FRMD4A: variants seen among roughly 807,000 people sequenced by gnomAD.
FRMD4A encodes FERM domain containing 4A, also known as FERM domain-containing protein 4A.
Under a neutral mutation model 129.1 loss-of-function variants are expected in FRMD4A, and 29 were observed. The ratio of observed to expected loss-of-function variants is 0.22; its 90% CI spans 0.17 to 0.31. The LOEUF is 0.31. Ranked by LOEUF, FRMD4A falls within the 10% of genes least tolerant of loss-of-function variation. FRMD4A has a pLI of 1.00. For missense variants in FRMD4A, 1,272 were observed against 1,375.8 expected, an observed-to-expected ratio of 0.92 and a Z score of 1.19; for synonymous variants, 634 against 571.6, an observed-to-expected ratio of 1.11 and a Z score of -1.56.
At chr10:14,065,111 C>T (rs554783317) in intron 2 of FRMD4A, among the ~76,000 whole-genome samples, 11 of 152,230 alleles carry the variant, frequency 7.2e-5, no homozygotes, top group South Asian at 4.1e-4. Flanking sequence ...CCACTATTGA[C>T]GACCATTATA....
intron 3 of FRMD4A, among the ~76,000 whole-genome samples, chr10:13,842,935 ATT>A (rs1469562584): frequency 1.3e-5 from 2 of 152,122 alleles, no homozygotes; most frequent in African/African-American, 4.8e-5. Flanking sequence ...AGATGATAAT[ATT>A]TTTCATATAC....
intron 3 of FRMD4A, among the ~76,000 whole-genome samples, chr10:13,836,918 C>T (rs970627061): frequency 3.2e-4 from 48 of 152,162 alleles, no homozygotes; most frequent in African/African-American, 1.0e-3. Flanking sequence ...CCACCACGCC[C>T]GGCTAATTTT....
intron 3 of FRMD4A, among the ~76,000 whole-genome samples, chr10:13,851,283 T>C (rs2094136984): frequency 6.6e-6 from 1 of 152,222 alleles, no homozygotes; most frequent in Admixed American, 6.5e-5. Flanking sequence ...GTGCCAAACA[T>C]CCAGTATTAT....
intron 4 of FRMD4A, among the ~76,000 whole-genome samples, chr10:13,805,835 T>A (rs2178288): frequency 6.6e-6 from 1 of 151,432 alleles, no homozygotes; most frequent in Non-Finnish European, 1.5e-5. Flanking sequence ...ACTACAACTG[T>A]GCACCACCAT....
intron 2 of FRMD4A, among the ~76,000 whole-genome samples, chr10:13,899,192 C>A (rs984108051): frequency 2.0e-5 from 3 of 151,926 alleles, no homozygotes; most frequent in African/African-American, 7.3e-5. Context: ...CTGATAATAT[C>A]TATTGCCAGC....
chr10:13,851,264 G>C (rs1171778730), intron 3 of FRMD4A, among the ~76,000 whole-genome samples: 1 of 152,198 alleles, frequency 6.6e-6, no homozygotes, highest in East Asian at 1.9e-4. Context: ...GTAAAATGTA[G>C]TCATTATTGT....
intron 2 of FRMD4A, among the ~76,000 whole-genome samples, chr10:14,328,693 C>G (rs917807606): frequency 3.3e-5 from 5 of 149,258 alleles, no homozygotes; most frequent in African/African-American, 1.2e-4. Flanking sequence ...AGCATATAAC[C>G]CAGGCTCCCA....
intron 2 of FRMD4A, among the ~76,000 whole-genome samples, chr10:13,906,123 T>C (rs2094879913): frequency 6.6e-6 from 1 of 152,226 alleles, no homozygotes; most frequent in Non-Finnish European, 1.5e-5. Context: ...TGTATTAGAA[T>C]GCAGCTACTT....
Position 13,660,327 on chromosome 10 carries a change from G to A in FRMD4A, c.1887C>T (p.His629=). The A allele has an allele frequency of 1.2e-6, 2 of 1,609,768 alleles. No individual in the cohort carries two copies. Among genetic ancestry groups the A allele is most frequent in the Non-Finnish European group, 1.7e-6 (2 of 1,176,050 alleles). Residue 629 remains histidine (H), a synonymous_variant, in exon 20 of 25, where the codon CAC becomes CAT. Coordinates refer to ENST00000357447, the MANE Select transcript of FRMD4A (RefSeq NM_018027.5). ...PYEKVKKRSS[H]SHSSSHKRFP... ...ACGATGCAGCTCACCTGGAATGGCT[G>A]TGAGAGGAGCGCTTCTTGACCTTCT... is the stretch of plus-strand genomic sequence containing the variant.
intron 2 of FRMD4A, among the ~76,000 whole-genome samples, chr10:13,883,599 TCTCTGCATGG>T (rs1432681199): frequency 2.0e-5 from 3 of 152,228 alleles, no homozygotes; most frequent in Non-Finnish European, 4.4e-5. Context: ...AAGTTGCAGA[TCTCTGCATGG>T]CACAAAATCT....
chr10:14,055,286 C>A (rs1042886266), intron 2 of FRMD4A, among the ~76,000 whole-genome samples: 7 of 152,190 alleles, frequency 4.6e-5, no homozygotes, highest in Non-Finnish European at 4.4e-5. Context: ...TATGGATATG[C>A]TTTGGTGGAT....
chr10:14,152,898 C>A (rs1190124583), intron 2 of FRMD4A, among the ~76,000 whole-genome samples: 1 of 152,056 alleles, frequency 6.6e-6, no homozygotes, highest in African/African-American at 2.4e-5. Context: ...GAGGGGGAAC[C>A]CAGGCATCCT....
rs71388139 is a variant in FRMD4A, at chr10:13,955,112, C to CTTTTTTTTTTTTTTTTTTTTT, written c.46-96201_46-96200insAAAAAAAAAAAAAAAAAAAAA. Among the ~76,000 whole-genome samples, 38 of 102,944 alleles carry CTTTTTTTTTTTTTTTTTTTTT rather than the reference C, an allele frequency of 3.7e-4. 3 individuals are homozygous for CTTTTTTTTTTTTTTTTTTTTT. Among genetic ancestry groups the CTTTTTTTTTTTTTTTTTTTTT allele is most frequent in the Non-Finnish European group, 4.2e-4 (23 of 55,108 alleles). 67.5% of individuals were successfully genotyped at this position (102,944 alleles called of 152,430 possible). A position where few individuals can be genotyped will look rare whatever the true frequency, so the allele number is the denominator to read the frequency against. The stretch of plus-strand genomic sequence containing the variant: ...TTCCAACCCCATGTTAATAATTCTG[C>CTTTTTTTTTTTTTTTTTTTTT]TTTTTTTTTTTTTGAGACGGAGTAT... On this transcript the variant is annotated intron_variant, in intron 2 of 24. Coordinates refer to ENST00000357447, the MANE Select transcript of FRMD4A (RefSeq NM_018027.5).
chr10:13,959,975 G>C (rs2095436411), intron 2 of FRMD4A, among the ~76,000 whole-genome samples: 1 of 152,198 alleles, frequency 6.6e-6, no homozygotes, highest in Non-Finnish European at 1.5e-5. Flanking sequence ...CCCCAGAACA[G>C]GCAAATCACA....
At chr10:13,780,501 G>A (rs1404380113) in intron 6 of FRMD4A, among the ~76,000 whole-genome samples, 1 of 152,062 alleles carries the variant, frequency 6.6e-6, no homozygotes, top group Non-Finnish European at 1.5e-5. Flanking sequence ...AGGGGCTGTC[G>A]CTCTCAATTA....
intron 15 of FRMD4A, among the ~76,000 whole-genome samples, chr10:13,685,930 A>T (rs2134784051): frequency 6.6e-6 from 1 of 152,194 alleles, no homozygotes; most frequent in East Asian, 2.0e-4. Context: ...TGTGTAAATG[A>T]CTTTGTCTTT....
At chr10:13,894,178 C>T (rs954331530) in intron 2 of FRMD4A, among the ~76,000 whole-genome samples, 2 of 152,154 alleles carry the variant, frequency 1.3e-5, no homozygotes, top group African/African-American at 4.8e-5. Context: ...ATACTCAGGC[C>T]ACATCATCTT....
Position 13,657,056 on chromosome 10 carries a change from C to G in FRMD4A, c.2533G>C (p.Ala845Pro). 1 of 1,572,648 alleles carries G rather than the reference C, an allele frequency of 6.4e-7. No individual in the cohort carries two copies. The highest frequency in any genetic ancestry group is 8.6e-7 in the Non-Finnish European group (1 of 1,165,946). ...KEYPLYIEGG[A>P]TPVVVRSLES... ...AGGCTGCGCACCACCACGGGCGTGGCGCCGCCCTCGATGTACAGCGGGTAC... is the reference window on the plus strand; with the variant it reads ...AGGCTGCGCACCACCACGGGCGTGGGGCCGCCCTCGATGTACAGCGGGTAC... Residue 845 changes from alanine (A) to proline (P), a missense_variant, in exon 22 of 25, where the codon GCC becomes CCC. Around this residue, in one of 2 missense-constraint regions of FRMD4A, gnomAD observed 972 missense variants for 892.3 expected, o/e 1.09. Transcript: ENST00000357447.
At chr10:14,220,424 A>AAAAAGCAG (rs1387312895) in intron 2 of FRMD4A, among the ~76,000 whole-genome samples, 1 of 152,228 alleles carries the variant, frequency 6.6e-6, no homozygotes, top group Non-Finnish European at 1.5e-5. Flanking sequence ...TTTGACTTTT[A>AAAAAGCAG]GGGAGGTGAT....
Sources: allele counts gnomAD v4.1 joint callset (sites outside exome capture counted in the v4.1 genomes callset), GRCh38; gene constraint gnomAD v4.1.1; regional missense constraint gnomAD v4.1.1; transcripts MANE v1.5; gene names NCBI Gene and HGNC (gene_info 2026-07-23, HGNC 2026-07-21).